Variants in CEP170 observed in about 807,000 individuals in gnomAD.
CEP170 encodes the protein centrosomal protein of 170 kDa.
Under a neutral mutation model 151.9 loss-of-function variants are expected in CEP170, and 21 were observed. That is an observed-to-expected ratio of 0.14 (90% CI 0.10 to 0.20). The LOEUF is 0.20. Among genes scored for constraint, CEP170 ranks in the 10% least tolerant of loss-of-function variants. The pLI is 1.00. For synonymous variants in CEP170, 356 were observed against 648.8 expected (o/e 0.55, Z 6.86); for missense variants, 964 against 1,892.9 (o/e 0.51, Z 9.11).
At chr1:243,163,684 T>G (rs995504322) in intron 13 of CEP170, among the ~76,000 whole-genome samples, 4 of 152,286 alleles carry the variant, frequency 2.6e-5, no homozygotes, top group Admixed American at 2.0e-4. Flanking sequence ...CTTCTTCCAC[T>G]GAAATAAATT....
chr1:243,227,808 T>C (rs186218871), intron 1 of CEP170, among the ~76,000 whole-genome samples: 2 of 152,172 alleles, frequency 1.3e-5, no homozygotes, highest in African/African-American at 4.8e-5. Context: ...TGTGGACCCT[T>C]GTAAGGTTTA....
intron 17 of CEP170, among the ~76,000 whole-genome samples, chr1:243,129,872 G>A (rs74546061): frequency 2.9e-4 from 43 of 149,442 alleles, no homozygotes; most frequent in Middle Eastern, 3.4e-3. Flanking sequence ...GAGAGAGAGA[G>A]AAAAAAAAAG....
At chr1:243,134,891 A>G (rs1247265774) in intron 17 of CEP170, among the ~76,000 whole-genome samples, 10 of 152,158 alleles carry the variant, frequency 6.6e-5, no homozygotes. Context: ...GGGAAAGTAA[A>G]GATCTAATTA....
intron 14 of CEP170, among the ~76,000 whole-genome samples, chr1:243,146,103 T>C (rs1349583458): frequency 6.6e-6 from 1 of 152,224 alleles, no homozygotes; most frequent in Non-Finnish European, 1.5e-5. Flanking sequence ...ATGTTCTCAC[T>C]TGTAAGTGGG....
intron 11 of CEP170, among the ~76,000 whole-genome samples, chr1:243,170,008 T>C (rs1405871903): frequency 2.6e-5 from 4 of 152,180 alleles, no homozygotes; most frequent in African/African-American, 9.7e-5. Flanking sequence ...CAAGGCTTCA[T>C]ATGAAAACTG....
At chr1:243,224,469 C>T (rs1008168856) in intron 2 of CEP170, among the ~76,000 whole-genome samples, 1 of 150,334 alleles carries the variant, frequency 6.7e-6, no homozygotes, top group Non-Finnish European at 1.5e-5. Context: ...AAAAAAATTG[C>T]AAAAAAAACA....
chr1:243,135,605 T>G (rs1265300239), intron 17 of CEP170: 1 of 152,348 alleles, frequency 6.6e-6, no homozygotes, highest in East Asian at 1.9e-4. Flanking sequence ...GCCAACTTTC[T>G]ACATTTCCTT....
intron 1 of CEP170, among the ~76,000 whole-genome samples, chr1:243,249,549 G>A (rs1012315922): frequency 6.6e-6 from 1 of 152,048 alleles, no homozygotes; most frequent in Non-Finnish European, 1.5e-5. Flanking sequence ...AGGGTGAAAA[G>A]GTTTTTCATA....
intron 15 of CEP170, 37 bp downstream of exon 15, chr1:243,142,279 A>C: frequency 6.3e-7 from 1 of 1,597,154 alleles, no homozygotes. Context: ...TAAAGAAAAG[A>C]AAGAACCTTA....
chr1:243,225,992 T>TATCTAGATATATATAC (rs1558644787), intron 1 of CEP170, among the ~76,000 whole-genome samples: 1 of 147,854 alleles, frequency 6.8e-6, no homozygotes, highest in African/African-American at 2.5e-5. Context: ...TCTATATATA[T>TATCTAGATATATATAC]ACACGTATAT....
At chr1:243,227,820 C>A (rs75731336) in intron 1 of CEP170, among the ~76,000 whole-genome samples, 8 of 152,064 alleles carry the variant, frequency 5.3e-5, no homozygotes, top group Non-Finnish European at 8.8e-5. Context: ...TAAGGTTTAC[C>A]GAAGGCCTTT....
chr1:243,200,858 A>G (rs1324655047), intron 4 of CEP170, 23 bp from the exon 5 acceptor site: 2 of 1,588,508 alleles, frequency 1.3e-6, no homozygotes, highest in Admixed American at 1.9e-5. Context: ...AAGGAAGAAT[A>G]TAACCTCAAA....
At chr1:243,193,040 T>C (rs1264661743) in intron 7 of CEP170, among the ~76,000 whole-genome samples, 37 of 152,188 alleles carry the variant, frequency 2.4e-4, no homozygotes, top group Non-Finnish European at 3.8e-4. Flanking sequence ...TTGGAAAAAC[T>C]CTACATTATC....
At chr1:243,189,884 T>C (rs1030163062) in intron 8 of CEP170, among the ~76,000 whole-genome samples, 4 of 152,192 alleles carry the variant, frequency 2.6e-5, no homozygotes, top group African/African-American at 4.8e-5. Context: ...GTCACAATCA[T>C]GTCTCAAAAA....
intron 6 of CEP170, among the ~76,000 whole-genome samples, 160 bp downstream of exon 6, chr1:243,200,355 TATA>T (rs2060944543): frequency 6.6e-6 from 1 of 152,136 alleles, no homozygotes; most frequent in South Asian, 2.1e-4. Context: ...TTATGTGTTT[TATA>T]ATGTTTCCTA....
At chr1:243,213,874 T>G (rs1021746835) in intron 3 of CEP170, among the ~76,000 whole-genome samples, 1 of 152,086 alleles carries the variant, frequency 6.6e-6, no homozygotes. Flanking sequence ...CACCACACCC[T>G]GCTAATTTTT....
chr1:243,222,806 G>A (rs1213365568), intron 2 of CEP170, among the ~76,000 whole-genome samples: 1 of 152,150 alleles, frequency 6.6e-6, no homozygotes, highest in Non-Finnish European at 1.5e-5. Context: ...TTACCACCCT[G>A]AAAAGTAGAG....
intron 1 of CEP170, among the ~76,000 whole-genome samples, chr1:243,246,424 G>T (rs1558152544): frequency 6.6e-6 from 1 of 151,822 alleles, no homozygotes; most frequent in East Asian, 1.9e-4. Context: ...TAGAGACAGG[G>T]TTTCCCCATG....
intron 3 of CEP170, among the ~76,000 whole-genome samples, chr1:243,213,709 G>C (rs975592018): frequency 2.6e-5 from 4 of 152,088 alleles, no homozygotes; most frequent in East Asian, 1.9e-4. Context: ...TTTTGTGGGG[G>C]TTTTGTTTTT....
Sources: gnomAD v4.1 joint callset for allele counts (sites outside exome capture counted in the v4.1 genomes callset) on GRCh38, gnomAD v4.1.1 for gene constraint, MANE v1.5 for transcripts, NCBI Gene and HGNC (gene_info 2026-07-23, HGNC 2026-07-21) for gene names.